The following BTBD10 variants were observed in gnomAD, a reference collection of about 807,000 sequenced individuals.
BTBD10 encodes the protein BTB/POZ domain-containing protein 10.
A neutral mutation model predicts 53.2 loss-of-function variants in BTBD10; 21 were observed. That is an observed-to-expected ratio of 0.39 (90% CI 0.28 to 0.57). The LOEUF is 0.57. Among genes scored for constraint, BTBD10 ranks in the 20% least tolerant of loss-of-function variants. The pLI is 0.53. For synonymous variants in BTBD10, 149 were observed against 192.7 expected, an observed-to-expected ratio of 0.77 and a Z score of 1.88; for missense variants, 360 against 594.7, an observed-to-expected ratio of 0.61 and a Z score of 4.10.
At chr11:13,396,757 T>C (rs1321236152) in intron 8 of BTBD10, among the ~76,000 whole-genome samples, 1 of 152,252 alleles carries the variant, frequency 6.6e-6, no homozygotes, top group Non-Finnish European at 1.5e-5. Flanking sequence ...TGAAGTGTTG[T>C]TGAATTTTAT....
chr11:13,430,974 T>TACACATACACAC (rs1950436811), intron 2 of BTBD10, among the ~76,000 whole-genome samples: 1 of 144,384 alleles, frequency 6.9e-6, no homozygotes, highest in Admixed American at 7.0e-5. Flanking sequence ...TGGAGATACA[T>TACACATACACAC]ACACACACAC....
intron 6 of BTBD10, among the ~76,000 whole-genome samples, chr11:13,407,027 A>G (rs377413580): frequency 1.3e-5 from 2 of 152,132 alleles, no homozygotes; most frequent in Admixed American, 1.3e-4. Context: ...TAGCCTTTAT[A>G]TTGTTAAAGA....
chr11:13,438,158 T>C (rs1157200520), intron 2 of BTBD10, among the ~76,000 whole-genome samples: 1 of 152,136 alleles, frequency 6.6e-6, no homozygotes, highest in Non-Finnish European at 1.5e-5. Context: ...AAATGTAATA[T>C]AAGAAACCTT....
In BTBD10 at chr11:13,417,204, T is replaced by C; in HGVS notation, c.641A>G (p.Tyr214Cys). 3 of 1,613,664 alleles carry C rather than the reference T, an allele frequency of 1.9e-6. 1 individual carries two copies. Among genetic ancestry groups the C allele is most frequent in the South Asian group, 2.2e-5 (2 of 91,046 alleles). Residue 214 changes from tyrosine to cysteine, a missense_variant, in exon 5 of 9, where the codon TAT becomes TGT. By Grantham distance (194) the Tyr-to-Cys change is radical (BLOSUM62 -2). This residue lies in a region of BTBD10 where 91 missense variants were observed against 171.7 expected (regional missense o/e 0.53). Transcript: ENST00000278174. ...NFTRPNEKGE[Y>C]EVAEGIGSTV... The stretch of plus-strand genomic sequence containing the variant: ...GGAACCAATTCCCTCTGCCACCTCA[T>C]ACTCTCCTTTCTCATTGGGTCGTGT...
chr11:13,411,506 T>C (rs143990952), intron 6 of BTBD10, among the ~76,000 whole-genome samples: 10 of 152,294 alleles, frequency 6.6e-5, no homozygotes, highest in African/African-American at 1.9e-4. Context: ...TAGTAACATA[T>C]ATTACAAGTA....
At chr11:13,457,192 T>G (rs1178146503) in intron 1 of BTBD10, among the ~76,000 whole-genome samples, 1 of 151,686 alleles carries the variant, frequency 6.6e-6, no homozygotes, top group Non-Finnish European at 1.5e-5. Flanking sequence ...ATAAATAAAA[T>G]AAAAAGAAAA....
intron 1 of BTBD10, among the ~76,000 whole-genome samples, chr11:13,452,491 T>C (rs1043425951): frequency 6.6e-6 from 1 of 152,202 alleles, no homozygotes; most frequent in African/African-American, 2.4e-5. Flanking sequence ...TTTTAATTAA[T>C]ACATAAAAGC....
intron 1 of BTBD10, among the ~76,000 whole-genome samples, chr11:13,461,047 A>G (rs537639868): frequency 6.6e-6 from 1 of 152,342 alleles, no homozygotes; most frequent in South Asian, 2.1e-4. Flanking sequence ...TACTATAACT[A>G]TACTTAAAGG....
At chr11:13,444,305 A>C (rs912878642) in intron 2 of BTBD10, among the ~76,000 whole-genome samples, 1 of 142,322 alleles carries the variant, frequency 7.0e-6, no homozygotes, top group Non-Finnish European at 1.5e-5. Flanking sequence ...AATGCTCAAT[A>C]ATATCCCCTA....
At chr11:13,402,004 GTCT>G (rs1406281899) in intron 8 of BTBD10, among the ~76,000 whole-genome samples, 2 of 152,134 alleles carry the variant, frequency 1.3e-5, no homozygotes, top group African/African-American at 2.4e-5. Flanking sequence ...CCCCTTGAAT[GTCT>G]TCTTCTCAGG....
intron 3 of BTBD10, among the ~76,000 whole-genome samples, chr11:13,420,845 T>C (rs1009597943): frequency 6.6e-6 from 1 of 152,218 alleles, no homozygotes; most frequent in Non-Finnish European, 1.5e-5. Flanking sequence ...CTTTTGCATG[T>C]AACAAACTGT....
At chr11:13,439,762 T>C (rs1045998143) in intron 2 of BTBD10, 19 of 723,984 alleles carry the variant, frequency 2.6e-5, no homozygotes, top group Non-Finnish European at 3.7e-5. Flanking sequence ...GATCTTTATC[T>C]TTAGTCATGT....
intron 2 of BTBD10, among the ~76,000 whole-genome samples, chr11:13,440,574 T>C (rs146293410): frequency 6.6e-6 from 1 of 152,346 alleles, no homozygotes; most frequent in Non-Finnish European, 1.5e-5. Context: ...TCAAGAACTA[T>C]TCTTTAAAGC....
chr11:13,404,264 T>C (rs935616119), intron 7 of BTBD10, among the ~76,000 whole-genome samples: 4 of 152,148 alleles, frequency 2.6e-5, no homozygotes, highest in Admixed American at 1.3e-4. Context: ...CTCAAATGAA[T>C]CTTCTTTATG....
chr11:13,430,921 G>A (rs1209021593), intron 2 of BTBD10, among the ~76,000 whole-genome samples: 1 of 150,704 alleles, frequency 6.6e-6, no homozygotes, highest in Non-Finnish European at 1.5e-5. Flanking sequence ...AAGCTTTTGA[G>A]TGTGATGTAT....
intron 2 of BTBD10, among the ~76,000 whole-genome samples, chr11:13,430,525 A>G (rs1950427466): frequency 6.6e-6 from 1 of 152,190 alleles, no homozygotes; most frequent in South Asian, 2.1e-4. Flanking sequence ...TCCATTATGT[A>G]TTTACCCAAA....
chr11:13,417,450 A>G (rs1220201217), intron 4 of BTBD10, among the ~76,000 whole-genome samples, 190 bp from the exon 5 acceptor site: 1 of 152,208 alleles, frequency 6.6e-6, no homozygotes, highest in Non-Finnish European at 1.5e-5. Context: ...ATGGTAGGGA[A>G]CACTAGTATA....
At chr11:13,394,859 A>G (rs1418943250) in intron 8 of BTBD10, among the ~76,000 whole-genome samples, 1 of 151,996 alleles carries the variant, frequency 6.6e-6, no homozygotes, top group Non-Finnish European at 1.5e-5. Flanking sequence ...GTGTCCCTAC[A>G]AAGGACATGA....
chr11:13,436,459 C>G (rs760380623), intron 2 of BTBD10, among the ~76,000 whole-genome samples: 6 of 152,202 alleles, frequency 3.9e-5, no homozygotes, highest in Non-Finnish European at 8.8e-5. Flanking sequence ...TGCCTTAGTT[C>G]TACCTGCTGG....
Sources: gnomAD v4.1 joint callset for allele counts (sites outside exome capture counted in the v4.1 genomes callset) on GRCh38, gnomAD v4.1.1 for gene constraint, gnomAD v4.1.1 regional missense constraint, MANE v1.5 for transcripts, NCBI Gene and HGNC (gene_info 2026-07-23, HGNC 2026-07-21) for gene names.